PRPSAP2: variants seen among roughly 807,000 people sequenced by gnomAD.
PRPSAP2 encodes the protein phosphoribosyl pyrophosphate synthase-associated protein 2.
PRPSAP2 carries 24 observed loss-of-function variants against 40.6 expected under a neutral mutation model. The ratio of observed to expected loss-of-function variants is 0.59; its 90% CI spans 0.43 to 0.83. The LOEUF (loss-of-function observed/expected upper bound fraction) is 0.83. Ranked by LOEUF, PRPSAP2 falls within the 40% of genes least tolerant of loss-of-function variation. PRPSAP2 has a pLI of 0.00. For missense variants in PRPSAP2, 292 were observed against 465.6 expected, an observed-to-expected ratio of 0.63 and a Z score of 3.43; for synonymous variants, 149 against 164.7, an observed-to-expected ratio of 0.90 and a Z score of 0.73.
At chr17:18,901,735 A>G (rs528617275) in intron 8 of PRPSAP2, among the ~76,000 whole-genome samples, 1 of 151,824 alleles carries the variant, frequency 6.6e-6, no homozygotes, top group Admixed American at 6.6e-5. Flanking sequence ...GGGTGGCAGA[A>G]GGAGTATTAA....
At chr17:18,873,314 A>G (rs2038038968) in intron 5 of PRPSAP2, among the ~76,000 whole-genome samples, 1 of 136,300 alleles carries the variant, frequency 7.3e-6, no homozygotes, top group African/African-American at 2.8e-5. Context: ...GGTTCAAGCA[A>G]TTCTGCCTCA....
At chr17:18,878,389 G>A (rs1432694939) in intron 6 of PRPSAP2, among the ~76,000 whole-genome samples, 1 of 152,206 alleles carries the variant, frequency 6.6e-6, no homozygotes, top group South Asian at 2.1e-4. Flanking sequence ...GCCTAGATAG[G>A]CATATATTGG....
At chr17:18,862,045 G>C (rs142679485) in intron 1 of PRPSAP2, among the ~76,000 whole-genome samples, 4 of 152,214 alleles carry the variant, frequency 2.6e-5, no homozygotes, top group Non-Finnish European at 4.4e-5. Flanking sequence ...GTGCCACCAG[G>C]CCTAGCTAAT....
intron 8 of PRPSAP2, among the ~76,000 whole-genome samples, chr17:18,895,847 A>G (rs546126053): frequency 3.3e-5 from 5 of 152,156 alleles, no homozygotes; most frequent in Admixed American, 2.0e-4. Flanking sequence ...GCTGGTCTCA[A>G]AACTCCTGAC....
chr17:18,884,572 T>C (rs1259309927), intron 7 of PRPSAP2, among the ~76,000 whole-genome samples: 2 of 152,158 alleles, frequency 1.3e-5, no homozygotes, highest in African/African-American at 4.8e-5. Context: ...ACTCCTGGCC[T>C]CAAGCGATCC....
rs1484316266 is a variant in PRPSAP2, at chr17:18,888,758, C to A, written c.529-1064C>A. Among the ~76,000 whole-genome samples, 2 of 29,048 alleles carry A rather than the reference C, an allele frequency of 6.9e-5. 1 individual carries two copies. Among genetic ancestry groups the A allele is most frequent in the Non-Finnish European group, 1.9e-4 (2 of 10,746 alleles). 19.1% of individuals were successfully genotyped at this position (29,048 alleles called of 152,430 possible). On this transcript the variant is annotated intron_variant, in intron 7 of 11. Transcript: ENST00000268835. ...GCGGCTGGCCGGGCGGGGGGCTGAC[C>A]CCCCCACCTCCCTCGCGGACGGGGC...
At chr17:18,900,764 C>T (rs541253331) in intron 8 of PRPSAP2, among the ~76,000 whole-genome samples, 3 of 152,256 alleles carry the variant, frequency 2.0e-5, no homozygotes, top group Non-Finnish European at 4.4e-5. Flanking sequence ...GAAATGCTCC[C>T]TCCATGTCCT....
chr17:18,923,008 T>TA (rs1426410976), intron 9 of PRPSAP2, among the ~76,000 whole-genome samples: 1 of 151,746 alleles, frequency 6.6e-6, no homozygotes, highest in Non-Finnish European at 1.5e-5. Context: ...ACTAGACTCT[T>TA]ACCAGATACA....
chr17:18,889,768 G>T, intron 7 of PRPSAP2, 54 bp from the exon 8 acceptor site: 3 of 1,412,708 alleles, frequency 2.1e-6, no homozygotes, highest in East Asian at 2.5e-5. Flanking sequence ...TGGGTCTGTT[G>T]GAATTTTCCT....
At chr17:18,898,889 T>A (rs1339436666) in intron 8 of PRPSAP2, among the ~76,000 whole-genome samples, 3 of 2,848 alleles carry the variant, frequency 1.1e-3, no homozygotes, top group Non-Finnish European at 9.4e-3. Context: ...TGTCAGGTGT[T>A]TGTTTGTTTG....
chr17:18,913,785 T>C (rs994130208), intron 9 of PRPSAP2, among the ~76,000 whole-genome samples: 2 of 151,292 alleles, frequency 1.3e-5, no homozygotes, highest in Non-Finnish European at 2.9e-5. Context: ...TGAGCTCAAG[T>C]GATCCACCCG....
chr17:18,930,661 T>C lies in PRPSAP2; in HGVS notation c.1073T>C (p.Met358Thr), dbSNP rs1451235909. Residue 358 changes from methionine to threonine, a missense_variant, in exon 12 of 12, where the codon ATG (methionine) becomes ACG (threonine). By Grantham distance (81) the Met-to-Thr change is moderately conservative (BLOSUM62 -1). Coordinates refer to ENST00000268835, the MANE Select transcript of PRPSAP2 (RefSeq NM_002767.4). Reference sequence around the variant, plus strand: ...CGTCGGATCCACAATGGGGAGTCCATGTCCTACCTTTTCAGAAACATAGGC... The same window carrying C: ...CGTCGGATCCACAATGGGGAGTCCACGTCCTACCTTTTCAGAAACATAGGC... The part of the protein sequence containing the change: ...AIRRIHNGES[M>T]SYLFRNIGLD... 5 of 1,613,664 alleles carry C rather than the reference T, an allele frequency of 3.1e-6. No individual in the cohort carries two copies. In the African/African-American group the frequency reaches 5.3e-5, roughly 17 times the overall value.
intron 9 of PRPSAP2, chr17:18,917,584 ATTTTTTTTTTTTTT>A (rs536358118): frequency 2.7e-3 from 86 of 32,364 alleles, no homozygotes; most frequent in African/African-American, 8.8e-3. Context: ...TATTATTATT[ATTTTTTTTTTTTTT>A]TTTTTTTTTT....
chr17:18,883,229 T>C (rs2038888777), intron 7 of PRPSAP2, among the ~76,000 whole-genome samples: 1 of 152,188 alleles, frequency 6.6e-6, no homozygotes, highest in Non-Finnish European at 1.5e-5. Flanking sequence ...ATTCTGTTAA[T>C]GTGGTTTATT....
At chr17:18,923,256 AT>A (rs34975526) in intron 9 of PRPSAP2, among the ~76,000 whole-genome samples, 559 of 105,396 alleles carry the variant, frequency 5.3e-3, no homozygotes, top group East Asian at 6.9e-3. Flanking sequence ...CACTTGGCTA[AT>A]TTTTTTTTTT....
intron 9 of PRPSAP2, among the ~76,000 whole-genome samples, chr17:18,916,763 A>G (rs2041343951): frequency 2.0e-5 from 3 of 152,168 alleles, no homozygotes; most frequent in Non-Finnish European, 4.4e-5. Context: ...GCACCAGCAG[A>G]TTGGTGTCTG....
chr17:18,907,769 A>C (rs931348850), intron 8 of PRPSAP2, among the ~76,000 whole-genome samples: 1 of 152,244 alleles, frequency 6.6e-6, no homozygotes, highest in Non-Finnish European at 1.5e-5. Flanking sequence ...TAACTAAATA[A>C]CATACTTTTA....
chr17:18,902,675 C>G (rs4924942), intron 8 of PRPSAP2, among the ~76,000 whole-genome samples: 152,090 of 152,090 alleles, frequency 1, 76,045 homozygotes, highest in Non-Finnish European at 1. Context: ...TTTGAGACCA[C>G]CCTGACCAAC....
chr17:18,860,547 G>A (rs1377039793), intron 1 of PRPSAP2: 2 of 152,188 alleles, frequency 1.3e-5, no homozygotes, highest in African/African-American at 4.8e-5. Flanking sequence ...AATTCTGATG[G>A]GGAAATCTTT....
Sources: allele counts gnomAD v4.1 joint callset (sites outside exome capture counted in the v4.1 genomes callset), GRCh38; gene constraint gnomAD v4.1.1; transcripts MANE v1.5; gene names NCBI Gene and HGNC (gene_info 2026-07-23, HGNC 2026-07-21).